Variants in AMBRA1 observed in about 807,000 individuals in gnomAD.
AMBRA1 encodes the protein autophagy and beclin 1 regulator 1.
In AMBRA1, 47 loss-of-function variants were observed where a neutral mutation model predicts 125.4. The observed-to-expected ratio is 0.37, with a 90% CI of 0.30 to 0.48. The LOEUF (loss-of-function observed/expected upper bound fraction) is 0.48, where lower values mean the gene tolerates loss of function less well. Ranked by LOEUF, AMBRA1 falls within the 20% of genes least tolerant of loss-of-function variation. AMBRA1 has a pLI of 0.99. For synonymous variants in AMBRA1, 626 were observed against 655.5 expected, an observed-to-expected ratio of 0.95 and a Z score of 0.69; for missense variants, 1,331 against 1,693.4, an observed-to-expected ratio of 0.79 and a Z score of 3.76.
At chr11:46,397,997 G>A in intron 17 of AMBRA1, 54 bp from the exon 18 acceptor site, 1 of 1,528,494 alleles carries the variant, frequency 6.5e-7, no homozygotes. Flanking sequence ...CTGGGCCTCT[G>A]AGGCAGGTGG....
At chr11:46,441,371 G>A (rs761514982) in intron 12 of AMBRA1, among the ~76,000 whole-genome samples, 1 of 151,836 alleles carries the variant, frequency 6.6e-6, no homozygotes, top group Admixed American at 6.6e-5. Flanking sequence ...AAAATTAGCT[G>A]GGTGTGGTGG....
chr11:46,534,071 T>A lies in AMBRA1; in HGVS notation c.2072+7874A>T, dbSNP rs1952348863. Among the ~76,000 whole-genome samples the A allele has an allele frequency of 2.0e-5, 3 of 150,350 alleles. 1 individual carries two copies. Among genetic ancestry groups the A allele is most frequent in the Middle Eastern group, 6.8e-3 (2 of 294 alleles). On this transcript the variant is annotated intron_variant, in intron 7 of 17. Coordinates refer to ENST00000683756, the MANE Select transcript of AMBRA1 (RefSeq NM_001387011.1). ...GATGATCCTATTTCAAATTGCAGCATCCCCTACATTTTTTATACATTTCTC... is the reference window on the plus strand; with the variant it reads ...GATGATCCTATTTCAAATTGCAGCAACCCCTACATTTTTTATACATTTCTC...
rs765409442 is a variant in AMBRA1, at chr11:46,542,091, C to G, written c.1926G>C (p.Glu642Asp). The G allele has an allele frequency of 9.9e-6, 16 of 1,613,980 alleles. No individual in the cohort carries two copies. Among genetic ancestry groups the G allele is most frequent in the Non-Finnish European group, 1.4e-5 (16 of 1,179,952 alleles). The change falls in exon 7 of 18, where the codon GAG (glutamate) becomes GAC (aspartate). Residue 642 changes from glutamate (E) to aspartate (D), a missense_variant. Physicochemically the swap from Glu to Asp is conservative, Grantham distance 45. Coordinates refer to ENST00000683756, the MANE Select transcript of AMBRA1 (RefSeq NM_001387011.1). This position sits in a 1 kb window ranked among gnomAD's most constrained non-coding sequence, Gnocchi z 5.9. ...LELSSSASPQ[E>D]ERTVGVAFNQ... ...TAAAGGCCACCCCCACAGTCCTCTC[C>G]TCCTGCGGACTAGCAGAGCTGCTCA...
intron 11 of AMBRA1, among the ~76,000 whole-genome samples, chr11:46,469,228 T>C (rs982733277): frequency 1.3e-5 from 2 of 152,198 alleles, no homozygotes; most frequent in Non-Finnish European, 2.9e-5. Flanking sequence ...CGTATTTTCA[T>C]TGAATATGGT....
intron 1 of AMBRA1, among the ~76,000 whole-genome samples, chr11:46,572,554 G>A (rs1327330243): frequency 1.3e-5 from 2 of 152,150 alleles, no homozygotes; most frequent in Non-Finnish European, 2.9e-5. Flanking sequence ...CCACCATGAG[G>A]TGCATACAGT....
intron 11 of AMBRA1, among the ~76,000 whole-genome samples, chr11:46,476,452 G>A (rs563860041): frequency 3.9e-5 from 6 of 152,206 alleles, no homozygotes; most frequent in African/African-American, 1.4e-4. Context: ...AAGCCAACCC[G>A]TGGTGCTGGT....
intron 9 of AMBRA1, among the ~76,000 whole-genome samples, chr11:46,507,958 C>G (rs192578373): frequency 7.2e-5 from 11 of 152,212 alleles, no homozygotes; most frequent in African/African-American, 2.7e-4. Context: ...TGGCCTGGGG[C>G]CCAATGGGAG....
In AMBRA1 at chr11:46,428,837, C is replaced by T. The variant is rs562425867; in HGVS notation, c.2976+4637G>A. 236 of 1,611,382 alleles carry T rather than the reference C, an allele frequency of 1.5e-4. No homozygotes were observed. The East Asian group carries it at 2.3e-3, about 16-fold the overall frequency. ...TCGCTCACCCTCCAGACCTTTAGGC[C>T]GAGGCCTGCCAGTCTCTGGACGGCT... On this transcript the variant is annotated intron_variant, in intron 14 of 17. Transcript: ENST00000683756.
intron 7 of AMBRA1, among the ~76,000 whole-genome samples, chr11:46,538,376 G>T (rs928512632): frequency 2.6e-5 from 4 of 152,084 alleles, no homozygotes; most frequent in Non-Finnish European, 4.4e-5. Context: ...GATGACCAGG[G>T]ACTTCATTTT....
At chr11:46,509,091 C>G (rs1951165378) in intron 8 of AMBRA1, among the ~76,000 whole-genome samples, 2 of 152,198 alleles carry the variant, frequency 1.3e-5, no homozygotes, top group Admixed American at 1.3e-4. Flanking sequence ...TTCTTACAAT[C>G]AGAGCATCAG....
chr11:46,438,877 C>A (rs907142205), intron 12 of AMBRA1, among the ~76,000 whole-genome samples: 16 of 152,162 alleles, frequency 1.1e-4, no homozygotes, highest in Admixed American at 2.6e-4. Context: ...ACACTAATCT[C>A]AAATCTCAAG....
chr11:46,433,376 C>T (rs1947544825), intron 14 of AMBRA1, 98 bp downstream of exon 14: 2 of 1,440,554 alleles, frequency 1.4e-6, no homozygotes, highest in African/African-American at 1.4e-5. Context: ...TGTGTGATAG[C>T]TCTGGTCCTG....
chr11:46,427,980 G>A (rs1185491282), intron 14 of AMBRA1, among the ~76,000 whole-genome samples: 1 of 139,348 alleles, frequency 7.2e-6, no homozygotes, highest in African/African-American at 2.7e-5. Context: ...CTGCACTCCT[G>A]CCTGGGCGAC....
intron 14 of AMBRA1, among the ~76,000 whole-genome samples, chr11:46,425,892 A>G (rs530726976): frequency 6.6e-6 from 1 of 151,866 alleles, no homozygotes; most frequent in Admixed American, 6.6e-5. Flanking sequence ...CACGCCTGTA[A>G]TCCCAGCACT....
intron 8 of AMBRA1, among the ~76,000 whole-genome samples, chr11:46,509,169 T>A (rs1951170445): frequency 1.3e-5 from 2 of 152,258 alleles, no homozygotes; most frequent in Admixed American, 6.5e-5. Flanking sequence ...TTATGATGGC[T>A]ATTCCTGTAA....
At position 46,542,567 on chromosome 11, in the gene AMBRA1, C is replaced by G; in HGVS notation, c.1450G>C (p.Gly484Arg). The change falls in exon 7 of 18, where the codon GGG becomes CGG. Residue 484 changes from glycine to arginine, a missense_variant. Physicochemically the swap from Gly to Arg is moderately radical, Grantham distance 125 (BLOSUM62 -2). Around this residue, in one of 4 missense-constraint regions of AMBRA1, gnomAD observed 689 missense variants for 776.5 expected, o/e 0.89. Coordinates refer to ENST00000683756, the MANE Select transcript of AMBRA1 (RefSeq NM_001387011.1). This position sits in a 1 kb window ranked among gnomAD's most constrained non-coding sequence, Gnocchi z 5.9. ...GAGTTGTTTTGGCTGGAGCCATTCC[C>G]TCCATCTGACTCAGTTGCCAACCCT... ...ASGLATESDG[G>R]NGSSQNNSGS... The G allele has an allele frequency of 3.7e-6, 6 of 1,613,516 alleles. No individual in the cohort carries two copies. Among genetic ancestry groups the G allele is most frequent in the Non-Finnish European group, 5.1e-6 (6 of 1,180,034 alleles).
At chr11:46,507,352 G>T (rs1317891863) in intron 9 of AMBRA1, among the ~76,000 whole-genome samples, 1 of 151,384 alleles carries the variant, frequency 6.6e-6, no homozygotes, top group Admixed American at 6.6e-5. Flanking sequence ...GGTGGCGGGC[G>T]CCTGTAGTCC....
intron 7 of AMBRA1, among the ~76,000 whole-genome samples, chr11:46,517,478 T>C (rs1411494225): frequency 4.9e-5 from 7 of 142,400 alleles, no homozygotes; most frequent in African/African-American, 1.9e-4. Flanking sequence ...AGGTTTTTTT[T>C]TTTTTTTTTT....
intron 11 of AMBRA1, 71 bp downstream of exon 11, chr11:46,493,537 A>G: frequency 8.0e-7 from 1 of 1,249,240 alleles, no homozygotes; most frequent in Non-Finnish European, 1.1e-6. Flanking sequence ...CAACATAGGT[A>G]AAGGAGGGAG....
Sources: gnomAD v4.1 joint callset for allele counts (sites outside exome capture counted in the v4.1 genomes callset) on GRCh38, gnomAD v4.1.1 for gene constraint, gnomAD v4.1.1 regional missense constraint, Gnocchi (gnomAD v3.1) non-coding constraint, MANE v1.5 for transcripts, NCBI Gene and HGNC (gene_info 2026-07-23, HGNC 2026-07-21) for gene names.